Variants in TFDP2 observed in about 807,000 individuals in gnomAD.
The protein encoded by TFDP2 is transcription factor Dp-2 (E2F dimerization partner 2).
TFDP2 carries 17 observed loss-of-function variants against 59.3 expected under a neutral mutation model. The observed-to-expected ratio is 0.29, with a 90% CI of 0.20 to 0.43. The LOEUF is 0.43. TFDP2 is among the 20% of genes least tolerant of loss of function. TFDP2 has a pLI of 1.00. For synonymous variants in TFDP2, 180 were observed against 194.7 expected, an observed-to-expected ratio of 0.92 and a Z score of 0.63; for missense variants, 391 against 528.8, an observed-to-expected ratio of 0.74 and a Z score of 2.56.
intron 1 of TFDP2, among the ~76,000 whole-genome samples, chr3:142,110,903 T>TGA (rs2061634137): frequency 6.7e-6 from 1 of 148,828 alleles, no homozygotes; most frequent in Non-Finnish European, 1.5e-5. Context: ...CAGTGAGCCA[T>TGA]GATCATGCCA....
rs546311203 is a variant in TFDP2, at chr3:141,967,250, G to C, written c.732+2823C>G. On this transcript the variant is annotated intron_variant, in intron 9 of 12. Transcript: ENST00000489671. ...CTTTCTATGACAACTTAATTTATTT[G>C]ATGAAAGGAAAAAAACTGAAATGCT... Among the ~76,000 whole-genome samples the C allele has an allele frequency of 2.7e-5, 4 of 149,390 alleles. No homozygotes were observed. The South Asian group carries it at 8.5e-4, about 32-fold the overall frequency.
At position 142,043,936 on chromosome 3, in the gene TFDP2, C is replaced by T. The variant is rs1268655716; in HGVS notation, c.83-38392G>A. On this transcript the variant is annotated intron_variant, in intron 3 of 12. Coordinates refer to ENST00000489671, the MANE Select transcript of TFDP2 (RefSeq NM_001178139.2). ...AATCCACATGACCTTCTCTGGCATT[C>T]GCGCATTGGCTGTACCCTTCCGCTT... 2.7e-4 allele frequency: 218 copies of T among 811,190 alleles called. 1 individual carries two copies. The highest frequency in any genetic ancestry group is 8.1e-5 in the Non-Finnish European group (37 of 456,698). 50.2% of individuals were successfully genotyped at this position (811,190 alleles called of 1,614,324 possible). A position where few individuals can be genotyped will look rare whatever the true frequency, so the allele number is the denominator to read the frequency against.
chr3:142,030,499 A>G (rs887885056), intron 3 of TFDP2, among the ~76,000 whole-genome samples: 12 of 152,178 alleles, frequency 7.9e-5, no homozygotes, highest in Non-Finnish European at 1.5e-4. Flanking sequence ...ACATTCCCAC[A>G]TTTGGAAACA....
At chr3:142,146,590 C>A (rs183100518) in intron 1 of TFDP2, among the ~76,000 whole-genome samples, 30 of 152,224 alleles carry the variant, frequency 2.0e-4, no homozygotes, top group South Asian at 4.1e-4. Flanking sequence ...TATAAAGTAA[C>A]AGTGTAATGT....
At chr3:141,953,337 G>C (rs1248557948) in intron 11 of TFDP2, among the ~76,000 whole-genome samples, 1 of 152,172 alleles carries the variant, frequency 6.6e-6, no homozygotes, top group Non-Finnish European at 1.5e-5. Flanking sequence ...ATACATCCCA[G>C]TGTACCACCC....
At chr3:141,975,315 G>A (rs895821793) in intron 7 of TFDP2, among the ~76,000 whole-genome samples, 45 of 152,022 alleles carry the variant, frequency 3.0e-4, no homozygotes, top group African/African-American at 1.1e-3. Context: ...AAGGATGGTG[G>A]AGAACACTGA....
Position 142,126,212 on chromosome 3 carries a change from C to T in TFDP2, c.-93+22971G>A, listed in dbSNP as rs1335149053. The stretch of plus-strand genomic sequence containing the variant: ...TTTTTTTTTTTGAGATGTAGTCTCT[C>T]TCTGTCACCAGGCTGGAGTGAAGTG... On this transcript the variant is annotated intron_variant, in intron 1 of 12. Transcript: ENST00000489671. 4.9e-5 allele frequency: 7 copies of T among 142,372 alleles called. No individual in the cohort carries two copies. The East Asian group carries it at 1.0e-3, about 21-fold the overall frequency. The allele number at this position is 142,372 out of a possible 1,614,324, so 8.8% of individuals were successfully genotyped here. A position where few individuals can be genotyped will look rare whatever the true frequency, so the allele number is the denominator to read the frequency against.
At chr3:142,125,810 A>T (rs2062219948) in intron 1 of TFDP2, among the ~76,000 whole-genome samples, 2 of 152,202 alleles carry the variant, frequency 1.3e-5, no homozygotes, top group Non-Finnish European at 2.9e-5. Context: ...ATTAATTCTT[A>T]CAAAATAGTA....
rs372295266 is a variant in TFDP2 at position 141,952,496 on chromosome 3, T to C, written c.*17A>G. Reference sequence around the variant, plus strand: ...CACATGAGCATCACATATTGAAACGTAGGCTTTCTCTTGTCTTTATTCTGG... The same window carrying C: ...CACATGAGCATCACATATTGAAACGCAGGCTTTCTCTTGTCTTTATTCTGG... On this transcript the variant is annotated 3_prime_UTR_variant, in exon 13 of 13. Coordinates refer to ENST00000489671, the MANE Select transcript of TFDP2 (RefSeq NM_001178139.2). 1.6e-5 allele frequency: 24 copies of C among 1,513,390 alleles called. No individual in the cohort carries two copies. The highest frequency in any genetic ancestry group is 1.8e-4 in the Middle Eastern group (1 of 5,646). The allele number at this position is 1,513,390 out of a possible 1,614,324, so 93.7% of individuals were successfully genotyped here. A position where few individuals can be genotyped will look rare whatever the true frequency, so the allele number is the denominator to read the frequency against.
chr3:141,959,475 T>C (rs1342226119), intron 11 of TFDP2, among the ~76,000 whole-genome samples, 199 bp downstream of exon 11: 4 of 152,200 alleles, frequency 2.6e-5, no homozygotes, highest in African/African-American at 9.7e-5. Flanking sequence ...GTGTGGTGTA[T>C]AGATGTAAGT....
In TFDP2 at chr3:141,945,547, T is replaced by TCC. The variant is rs1339023784; in HGVS notation, c.*6965_*6966insGG. The TCC allele has an allele frequency of 1.3e-5, 2 of 152,270 alleles. No homozygotes were observed. The highest frequency in any genetic ancestry group is 2.9e-5 in the Non-Finnish European group (2 of 68,084). The allele number at this position is 152,270 out of a possible 1,614,324, so 9.4% of individuals were successfully genotyped here. On this transcript the variant is annotated 3_prime_UTR_variant, in exon 13 of 13. Transcript: ENST00000489671. ...CACCTGGGCAGCCAGTGCATATGGT[T>TCC]AGTGGGTGGTTCCATTTTTCAGGAC...
intron 3 of TFDP2, among the ~76,000 whole-genome samples, chr3:142,086,120 T>C (rs2060804356): frequency 6.6e-6 from 1 of 152,188 alleles, no homozygotes; most frequent in Admixed American, 6.5e-5. Flanking sequence ...CCTCCACTTC[T>C]AGTTTTGTCT....
chr3:141,994,785 T>C, intron 5 of TFDP2: 1 of 342,140 alleles, frequency 2.9e-6, no homozygotes, highest in Non-Finnish European at 5.2e-6. Context: ...TTCCAGAGTT[T>C]AAAAAGTCAC....
At chr3:142,134,332 G>A (rs1457639766) in intron 1 of TFDP2, among the ~76,000 whole-genome samples, 1 of 145,456 alleles carries the variant, frequency 6.9e-6, no homozygotes, top group Non-Finnish European at 1.5e-5. Flanking sequence ...CTGGGCAACA[G>A]AGCGAGACCC....
rs975794827 is a variant in TFDP2, at chr3:141,990,874, C to A, written c.356+2664G>T. ...AGATCAAAACCATCCTGGGCTAACA[C>A]GGTGAAACCCCGTCTCTACTGAAAA... On this transcript the variant is annotated intron_variant, in intron 6 of 12. Transcript: ENST00000489671. Among the ~76,000 whole-genome samples the A allele has an allele frequency of 4.6e-5, 7 of 151,980 alleles. No homozygotes were observed. The South Asian group carries it at 1.5e-3, about 32-fold the overall frequency.
At chr3:141,987,050 T>C (rs1025262083) in intron 6 of TFDP2, among the ~76,000 whole-genome samples, 7 of 152,236 alleles carry the variant, frequency 4.6e-5, no homozygotes, top group Non-Finnish European at 2.9e-5. Flanking sequence ...TTTTTCTTGG[T>C]ATACAATCAC....
intron 4 of TFDP2, among the ~76,000 whole-genome samples, chr3:141,995,433 GAA>G (rs1252332058): frequency 2.6e-5 from 4 of 152,130 alleles, no homozygotes; most frequent in African/African-American, 9.6e-5. Flanking sequence ...TCAGAAAAAT[GAA>G]AAGCTTTCTT....
rs1398673411 is a variant in TFDP2, at chr3:142,121,500, A to G, written c.-92-19659T>C. Among the ~76,000 whole-genome samples, 2 of 152,188 alleles carry G rather than the reference A, an allele frequency of 1.3e-5. No homozygotes were observed. The highest frequency in any genetic ancestry group is 4.8e-5 in the African/African-American group (2 of 41,454). On this transcript the variant is annotated intron_variant, in intron 1 of 12. Coordinates refer to ENST00000489671, the MANE Select transcript of TFDP2 (RefSeq NM_001178139.2). The surrounding 1 kb of genome is among the most constrained non-coding windows in gnomAD (Gnocchi z 4.3). ...AGTTAAAATTACAGAATTAAGAACTATGAGATGAAAATGCCATCAAACTAG... is the reference window on the plus strand; with the variant it reads ...AGTTAAAATTACAGAATTAAGAACTGTGAGATGAAAATGCCATCAAACTAG...
chr3:142,117,002 ACC>A (rs1180640212), intron 1 of TFDP2, among the ~76,000 whole-genome samples: 5 of 152,026 alleles, frequency 3.3e-5, no homozygotes, highest in Admixed American at 1.3e-4. Flanking sequence ...GCTCACTGCA[ACC>A]TTAGCCTCAC....
Sources: allele counts gnomAD v4.1 joint callset (sites outside exome capture counted in the v4.1 genomes callset), GRCh38; gene constraint gnomAD v4.1.1; non-coding constraint Gnocchi (gnomAD v3.1); transcripts MANE v1.5; gene names NCBI Gene and HGNC (gene_info 2026-07-23, HGNC 2026-07-21).